The following RGS3 variants were observed in gnomAD, a reference collection of about 807,000 sequenced individuals.
The protein encoded by RGS3 is regulator of G protein signaling 3.
A neutral mutation model predicts 132.6 loss-of-function variants in RGS3; 80 were observed. The ratio of observed to expected loss-of-function variants is 0.60; its 90% CI spans 0.50 to 0.73. The LOEUF (loss-of-function observed/expected upper bound fraction) is 0.73. Ranked by LOEUF, RGS3 falls within the 30% of genes least tolerant of loss-of-function variation. RGS3 has a pLI of 0.00. For synonymous variants in RGS3, 598 were observed against 620.6 expected (o/e 0.96, Z 0.54); for missense variants, 1,382 against 1,530.8 (o/e 0.90, Z 1.62).
chr9:113,523,509 C>T (rs1361969455), intron 17 of RGS3, among the ~76,000 whole-genome samples: 1 of 152,136 alleles, frequency 6.6e-6, no homozygotes, highest in African/African-American at 2.4e-5. Context: ...TACTTGTTGC[C>T]ACCCACTCAC....
intron 18 of RGS3, among the ~76,000 whole-genome samples, chr9:113,534,757 G>A (rs540538292): frequency 2.5e-4 from 38 of 151,862 alleles, no homozygotes; most frequent in Middle Eastern, 6.8e-3. Flanking sequence ...GACTACAAGC[G>A]CACACCACCA....
rs1194756770 is a variant in RGS3 at position 113,506,655 on chromosome 9, G to A, written c.1085+162G>A. ...CTTCAAGGAATCTGTTTCTTGGCCT[G>A]AGAATGGAAGGTTCAGGCTCAGAGC... is the stretch of plus-strand genomic sequence containing the variant. On this transcript the variant is annotated intron_variant, in intron 12 of 24. Coordinates refer to ENST00000350696, the Ensembl canonical transcript of RGS3. This position sits in a 1 kb window ranked among gnomAD's most constrained non-coding sequence, Gnocchi z 4.7. 6.6e-6 allele frequency among the ~76,000 whole-genome samples: 1 copy of A among 152,196 alleles called. No homozygotes were observed. The highest frequency in any genetic ancestry group is 2.4e-5 in the African/African-American group (1 of 41,444).
chr9:113,583,344 G>A, intron 19 of RGS3, 106 bp from the exon 18 acceptor site: 2 of 1,472,432 alleles, frequency 1.4e-6, no homozygotes, highest in South Asian at 1.4e-5. Flanking sequence ...CAGACTGGGG[G>A]CCCGGGGTTC....
At chr9:113,573,690 G>C (rs10981829) in intron 19 of RGS3, among the ~76,000 whole-genome samples, 13,133 of 152,224 alleles carry the variant, frequency 0.086, 656 homozygotes, top group Non-Finnish European at 0.097. Context: ...ATTTGGGAGG[G>C]TCACTGGGTG....
At chr9:113,558,857 A>G (rs1054096637) in intron 19 of RGS3, among the ~76,000 whole-genome samples, 1 of 152,206 alleles carries the variant, frequency 6.6e-6, no homozygotes, top group African/African-American at 2.4e-5. Context: ...CAATCTTGCT[A>G]CCTATCTCAC....
At chr9:113,581,171 G>A (rs919580795) in intron 19 of RGS3, 1 of 182,488 alleles carries the variant, frequency 5.5e-6, no homozygotes, top group Admixed American at 6.5e-5. Flanking sequence ...TGTTCATGGG[G>A]ACAGAGATCA....
exon 10 of RGS3, chr9:113,498,040 T>C (rs781397062): frequency 6.2e-7 from 1 of 1,614,040 alleles, no homozygotes. Flanking sequence ...CTGCTGAGAA[T>C]GCCAGGAGGT....
rs756925551 is a variant in RGS3, at chr9:113,479,568, C to G, written c.466+27C>G. 8 of 1,612,514 alleles carry G rather than the reference C, an allele frequency of 5.0e-6. No homozygotes were observed. In the East Asian group the frequency reaches 1.1e-4, roughly 22 times the overall value. ...TGAGTACGGCTTTGTGCAGGCTCAC[C>G]AAGGAAGGGGCGGGCCACTCAGCTT... On this transcript the variant is annotated intron_variant, in intron 4 of 24. Coordinates refer to ENST00000350696, the Ensembl canonical transcript of RGS3.
intron 17 of RGS3, among the ~76,000 whole-genome samples, chr9:113,525,142 G>A (rs1168167404): frequency 6.6e-6 from 1 of 152,160 alleles, no homozygotes; most frequent in East Asian, 1.9e-4. Flanking sequence ...CTGTGTGTGT[G>A]TGTGTGCATG....
chr9:113,494,868 C>A (rs186212659), intron 7 of RGS3, among the ~76,000 whole-genome samples: 30 of 148,236 alleles, frequency 2.0e-4, no homozygotes, highest in African/African-American at 7.7e-4. Flanking sequence ...CTGAATTCTT[C>A]TTCTTCTTCT....
chr9:113,457,480 C>T (rs1359571703), upstream of RGS3, among the ~76,000 whole-genome samples: 6 of 152,170 alleles, frequency 3.9e-5, no homozygotes, highest in African/African-American at 1.2e-4. Flanking sequence ...ATCCCCAGTG[C>T]CCAGTTATAA....
chr9:113,563,044 C>G (rs1324964154), intron 19 of RGS3, among the ~76,000 whole-genome samples: 2 of 152,220 alleles, frequency 1.3e-5, no homozygotes, highest in African/African-American at 4.8e-5. Context: ...AGGGCTCCTC[C>G]AGCCATGGGA....
chr9:113,565,465 TA>T lies in RGS3; in HGVS notation c.2038-17984del. On this transcript the variant is annotated intron_variant, in intron 19 of 24. Coordinates refer to ENST00000350696, the Ensembl canonical transcript of RGS3. The surrounding 1 kb of genome is among the most constrained non-coding windows in gnomAD (Gnocchi z 5.7). ...GGTGATGCAAGGGTTTTGAAAGCGC[TA>T]CCTAGATGTGGGAGGTGGAACCTGG... 1.1e-6 allele frequency: 1 copy of T among 914,028 alleles called. No individual in the cohort carries two copies. The highest frequency in any genetic ancestry group is 1.5e-6 in the Non-Finnish European group (1 of 652,746). 56.6% of individuals were successfully genotyped at this position (914,028 alleles called of 1,614,324 possible).
At chr9:113,577,551 A>G (rs1432009223) in intron 19 of RGS3, among the ~76,000 whole-genome samples, 2 of 152,194 alleles carry the variant, frequency 1.3e-5, no homozygotes, top group African/African-American at 2.4e-5. Flanking sequence ...CGGGGAGATC[A>G]CACATTCAGT....
intron 10 of RGS3, 120 bp from the exon 9 acceptor site, chr9:113,505,322 C>T (rs1247166876): frequency 4.9e-6 from 4 of 814,350 alleles, no homozygotes; most frequent in Non-Finnish European, 8.3e-6. Context: ...TCCTTTGTGC[C>T]TCCAGTTCCC....
At chr9:113,540,667 C>T (rs1180813537) in intron 19 of RGS3, among the ~76,000 whole-genome samples, 1 of 152,246 alleles carries the variant, frequency 6.6e-6, no homozygotes, top group Admixed American at 6.5e-5. Flanking sequence ...GGGCCTGGCC[C>T]CATTCTCAGG....
chr9:113,481,612 T>C (rs1830160124), intron 4 of RGS3, among the ~76,000 whole-genome samples: 1 of 152,254 alleles, frequency 6.6e-6, no homozygotes, highest in African/African-American at 2.4e-5. Context: ...CCATTTGTCC[T>C]GCACAGTTTG....
intron 1 of RGS3, chr9:113,461,567 C>T: frequency 1.2e-6 from 1 of 816,710 alleles, no homozygotes; most frequent in Non-Finnish European, 1.9e-6. Context: ...CAGGATCAGG[C>T]TGGCCTTGCA....
intron 1 of RGS3, among the ~76,000 whole-genome samples, chr9:113,447,319 GTATGTA>G (rs1192619578): frequency 4.6e-5 from 1 of 21,886 alleles, no homozygotes. Context: ...AAATTCTGAT[GTATGTA>G]TATGTATATA....
Sources: gnomAD v4.1 joint callset for allele counts (sites outside exome capture counted in the v4.1 genomes callset) on GRCh38, gnomAD v4.1.1 for gene constraint, Gnocchi (gnomAD v3.1) non-coding constraint, MANE v1.5 for transcripts, NCBI Gene and HGNC (gene_info 2026-07-23, HGNC 2026-07-21) for gene names.